The following SPOCK3 variants were observed in gnomAD, a reference collection of about 807,000 sequenced individuals.
SPOCK3 encodes the protein testican-3.
A neutral mutation model predicts 56.6 loss-of-function variants in SPOCK3; 30 were observed. The ratio of observed to expected loss-of-function variants is 0.53; its 90% CI spans 0.40 to 0.72. SPOCK3 has a LOEUF of 0.72. Among genes scored for constraint, SPOCK3 ranks in the 30% least tolerant of loss-of-function variants. The pLI is 0.00. For synonymous variants in SPOCK3, 196 were observed against 183.3 expected (o/e 1.07, Z -0.56); for missense variants, 527 against 530.0 (o/e 0.99, Z 0.06).
chr4:167,072,401 C>T (rs934963853), intron 2 of SPOCK3, among the ~76,000 whole-genome samples: 4 of 151,892 alleles, frequency 2.6e-5, no homozygotes, highest in African/African-American at 4.8e-5. Context: ...TGACTGAGGC[C>T]ATAAGGCCCG....
rs142176998 is a variant in SPOCK3, at chr4:167,161,071, G to T, written c.189+72914C>A. Among the ~76,000 whole-genome samples, 1,170 of 152,236 alleles carry T rather than the reference G, an allele frequency of 7.7e-3. 18 individuals carry two copies. Among genetic ancestry groups the T allele is most frequent in the African/African-American group, 0.026 (1,096 of 41,540 alleles). ...GATCTAATTAAACTAAAGAGCTTCT[G>T]CACAGCAAAAGAAACTACCACAGAG... On this transcript the variant is annotated intron_variant, in intron 2 of 10. Transcript: ENST00000357545.
chr4:166,786,088 G>T (rs1740700575), intron 7 of SPOCK3, among the ~76,000 whole-genome samples: 1 of 152,148 alleles, frequency 6.6e-6, no homozygotes, highest in Non-Finnish European at 1.5e-5. Flanking sequence ...TAAAGAGGAG[G>T]TGAATGCTCT....
At chr4:166,908,171 A>G (rs1736830945) in intron 5 of SPOCK3, among the ~76,000 whole-genome samples, 1 of 151,960 alleles carries the variant, frequency 6.6e-6, no homozygotes, top group Non-Finnish European at 1.5e-5. Flanking sequence ...TAAATGACAG[A>G]AAGGTTAAAA....
At chr4:167,175,943 C>A (rs1043464094) in intron 2 of SPOCK3, among the ~76,000 whole-genome samples, 12 of 152,108 alleles carry the variant, frequency 7.9e-5, no homozygotes, top group Non-Finnish European at 1.5e-4. Context: ...TGATTTAACC[C>A]ATGCAAATTA....
At chr4:166,798,219 T>C (rs1742177891) in intron 6 of SPOCK3, among the ~76,000 whole-genome samples, 1 of 152,206 alleles carries the variant, frequency 6.6e-6, no homozygotes, top group African/African-American at 2.4e-5. Context: ...TCCTACTTAC[T>C]AAGCAAAAAG....
intron 2 of SPOCK3, among the ~76,000 whole-genome samples, chr4:167,186,910 G>A (rs1331043382): frequency 6.7e-6 from 1 of 149,246 alleles, no homozygotes; most frequent in Non-Finnish European, 1.5e-5. Flanking sequence ...CCGGGAGGCA[G>A]AGGCTGCAGT....
intron 2 of SPOCK3, among the ~76,000 whole-genome samples, chr4:167,082,174 A>C (rs527878354): frequency 6.6e-6 from 1 of 152,274 alleles, no homozygotes; most frequent in East Asian, 1.9e-4. Flanking sequence ...TTGATTAATT[A>C]GCATTTGAAA....
chr4:166,892,822 T>G (rs1035475308), intron 5 of SPOCK3, among the ~76,000 whole-genome samples: 2 of 152,064 alleles, frequency 1.3e-5, no homozygotes, highest in Admixed American at 1.3e-4. Flanking sequence ...TTTACAGTCA[T>G]TTGTTTAATA....
intron 2 of SPOCK3, among the ~76,000 whole-genome samples, chr4:167,205,718 T>C (rs1238092570): frequency 1.4e-5 from 2 of 144,188 alleles, no homozygotes; most frequent in African/African-American, 5.2e-5. Flanking sequence ...GTTTAAGCAA[T>C]TCTCCTGCCT....
At chr4:166,794,426 A>C (rs2126663444) in intron 6 of SPOCK3, among the ~76,000 whole-genome samples, 1 of 152,138 alleles carries the variant, frequency 6.6e-6, no homozygotes, top group African/African-American at 2.4e-5. Context: ...TATATAAAGA[A>C]GTAACTACCA....
chr4:167,079,068 G>T (rs1298125034), intron 2 of SPOCK3, among the ~76,000 whole-genome samples: 1 of 150,002 alleles, frequency 6.7e-6, no homozygotes, highest in Non-Finnish European at 1.5e-5. Context: ...TGGCATTTGG[G>T]CAAATGAAAA....
chr4:167,109,423 A>G lies in SPOCK3; in HGVS notation c.190-46886T>C, dbSNP rs1200209632. 5.3e-5 allele frequency among the ~76,000 whole-genome samples: 4 copies of G among 75,066 alleles called. No individual in the cohort carries two copies. In the South Asian group the frequency reaches 1.1e-3, roughly 21 times the overall value. The allele number at this position is 75,066 out of a possible 152,430, so 49.2% of individuals were successfully genotyped here. A position where few individuals can be genotyped will look rare whatever the true frequency, so the allele number is the denominator to read the frequency against. On this transcript the variant is annotated intron_variant, in intron 2 of 10. Transcript: ENST00000357545. ...TTTATATATAAATATATATATAAAT[A>G]TATATATGATAAATATATATTTATA...
chr4:166,925,652 ATCAAT>A (rs1342097783), intron 4 of SPOCK3, among the ~76,000 whole-genome samples: 1 of 151,816 alleles, frequency 6.6e-6, no homozygotes, highest in Non-Finnish European at 1.5e-5. Context: ...CTAGTGAGAC[ATCAAT>A]TCAACCACTC....
At chr4:166,933,381 C>T in intron 4 of SPOCK3, among the ~76,000 whole-genome samples, 1 of 152,216 alleles carries the variant, frequency 6.6e-6, no homozygotes, top group East Asian at 1.9e-4. Context: ...TCTCCCCTCA[C>T]TCTGCTTTTC....
chr4:167,005,328 G>A (rs1003734585), intron 3 of SPOCK3, among the ~76,000 whole-genome samples: 1 of 151,822 alleles, frequency 6.6e-6, no homozygotes, highest in Non-Finnish European at 1.5e-5. Flanking sequence ...TCCTGCCTCA[G>A]CCTTCCGAGT....
At chr4:167,231,425 C>T (rs969162900) in intron 2 of SPOCK3, among the ~76,000 whole-genome samples, 7 of 151,970 alleles carry the variant, frequency 4.6e-5, no homozygotes, top group Admixed American at 3.9e-4. Context: ...CACAAAAGTA[C>T]TTCAGTTAAA....
intron 6 of SPOCK3, among the ~76,000 whole-genome samples, chr4:166,885,314 G>T (rs36089373): frequency 1.7e-4 from 25 of 151,276 alleles, no homozygotes; most frequent in African/African-American, 5.8e-4. Context: ...CAAAAAAATT[G>T]TCTCAGTAAC....
intron 6 of SPOCK3, among the ~76,000 whole-genome samples, chr4:166,807,270 A>G (rs947078950): frequency 1.3e-5 from 2 of 151,288 alleles, no homozygotes; most frequent in South Asian, 2.1e-4. Flanking sequence ...AAAGGGTTGT[A>G]TGGCTAGCTT....
At chr4:166,993,553 G>T (rs1748031470) in intron 4 of SPOCK3, among the ~76,000 whole-genome samples, 1 of 152,064 alleles carries the variant, frequency 6.6e-6, no homozygotes, top group Non-Finnish European at 1.5e-5. Context: ...GTGGCTCATT[G>T]TTTCCACTCT....
Sources: gnomAD v4.1 joint callset for allele counts (sites outside exome capture counted in the v4.1 genomes callset) on GRCh38, gnomAD v4.1.1 for gene constraint, MANE v1.5 for transcripts, NCBI Gene and HGNC (gene_info 2026-07-23, HGNC 2026-07-21) for gene names.